Variants in TRIO observed in about 807,000 individuals in gnomAD.
TRIO encodes trio Rho guanine nucleotide exchange factor, also known as triple functional domain protein.
TRIO carries 58 observed loss-of-function variants against 351.9 expected under a neutral mutation model. The observed-to-expected ratio is 0.16, with a 90% CI of 0.13 to 0.21. The LOEUF is 0.21. Ranked by LOEUF, TRIO falls within the 10% of genes least tolerant of loss-of-function variation. The probability of loss-of-function intolerance (pLI) is 1.00; values close to 1 mark genes in which losing one functional copy is unlikely to be tolerated. For missense variants in TRIO, 3,201 were observed against 4,027.8 expected, an observed-to-expected ratio of 0.79 and a Z score of 5.56; for synonymous variants, 1,758 against 1,595.7, an observed-to-expected ratio of 1.10 and a Z score of -2.42.
chr5:14,187,539 G>A (rs1029900508), intron 1 of TRIO, among the ~76,000 whole-genome samples: 2 of 152,224 alleles, frequency 1.3e-5, no homozygotes, highest in Admixed American at 1.3e-4. Flanking sequence ...CCATTGTACC[G>A]AGGAGTGGGT....
chr5:14,369,068 T>C (rs554716461), intron 17 of TRIO, among the ~76,000 whole-genome samples, 169 bp downstream of exon 17: 1 of 152,310 alleles, frequency 6.6e-6, no homozygotes, highest in South Asian at 2.1e-4. Flanking sequence ...GTACCTTAGA[T>C]GTCAAAGGTA....
At chr5:14,502,798 T>C (rs1757390824) in intron 54 of TRIO, 141 bp downstream of exon 54, 7 of 836,740 alleles carry the variant, frequency 8.4e-6, no homozygotes, top group East Asian at 8.0e-5. Flanking sequence ...GTAACTCTCA[T>C]TGCCTTTAGA....
chr5:14,236,900 C>T (rs1206846897), intron 1 of TRIO, among the ~76,000 whole-genome samples: 1 of 152,164 alleles, frequency 6.6e-6, no homozygotes, highest in African/African-American at 2.4e-5. Context: ...GTCTCAGTGG[C>T]TTTGCCTATG....
rs769061977 is a variant in TRIO, at chr5:14,481,625, C to T, written c.6465+7C>T. ...GCGGCTGCAAGGATTCGACGTAATG[C>T]GGCTCTTGTTTTTTAAGAGAGCTCC... On this transcript the variant is annotated splice_region_variant and intron_variant, in intron 45 of 56. Coordinates refer to ENST00000344204, the MANE Select transcript of TRIO (RefSeq NM_007118.4). 7.7e-5 allele frequency: 125 copies of T among 1,613,940 alleles called. No homozygotes were observed. Among genetic ancestry groups the T allele is most frequent in the Non-Finnish European group, 1.0e-4 (118 of 1,179,982 alleles).
At chr5:14,312,376 C>G (rs1000436436) in intron 8 of TRIO, among the ~76,000 whole-genome samples, 2 of 152,158 alleles carry the variant, frequency 1.3e-5, no homozygotes, top group Non-Finnish European at 2.9e-5. Flanking sequence ...ATTACTTTTT[C>G]TGCTTTAGTT....
chr5:14,487,584 G>A lies in TRIO; in HGVS notation c.6956G>A (p.Gly2319Asp). 8.7e-7 allele frequency: 1 copy of A among 1,145,312 alleles called. No homozygotes were observed. The allele number at this position is 1,145,312 out of a possible 1,614,324, so 70.9% of individuals were successfully genotyped here. ...GGCGGGGCCCCCAGTGGCGGCAGCG[G>A]CCACAGTGGCGGCCCCAGCAGCTGC... ...GGGGAPSGGSGHSGGPSSCGG... is the reference protein window; with the variant it reads ...GGGGAPSGGSDHSGGPSSCGG... Residue 2319 changes from glycine to aspartate, a missense_variant, in exon 48 of 57, where the codon GGC becomes GAC. By Grantham distance (94) the Gly-to-Asp change is moderately conservative. Transcript: ENST00000344204.
Position 14,482,613 on chromosome 5 carries a change from T to C in TRIO, c.6497T>C (p.Leu2166Ser). ...ATCGTTGCCCAGGGTAAACTGCTCT[T>C]GCAGGACACATTCTTGGTCACAGAC... The part of the protein sequence containing the change: ...GKIVAQGKLL[L>S]QDTFLVTDQD... The change falls in exon 46 of 57, where the codon TTG (leucine) becomes TCG (serine). Residue 2166 changes from leucine (L) to serine (S), a missense_variant. Physicochemically the swap from Leu to Ser is moderately radical, Grantham distance 145. Around this residue, in one of 19 missense-constraint regions of TRIO, gnomAD observed 307 missense variants for 396.5 expected, o/e 0.77. Coordinates refer to ENST00000344204, the MANE Select transcript of TRIO (RefSeq NM_007118.4). 6.4e-7 allele frequency: 1 copy of C among 1,553,536 alleles called. No individual in the cohort carries two copies. Among genetic ancestry groups the C allele is most frequent in the Non-Finnish European group, 8.7e-7 (1 of 1,144,260 alleles).
At chr5:14,482,856 T>G (rs1755635660) in intron 46 of TRIO, 83 bp downstream of exon 46, 4 of 1,243,092 alleles carry the variant, frequency 3.2e-6, no homozygotes, top group Admixed American at 2.8e-5. Flanking sequence ...AATGATGACA[T>G]ACCCTGATGC....
At chr5:14,506,763 C>T (rs898037832) in intron 55 of TRIO, among the ~76,000 whole-genome samples, 6 of 152,062 alleles carry the variant, frequency 3.9e-5, no homozygotes, top group Admixed American at 6.5e-5. Context: ...ACTACAGCTC[C>T]GAGAAGCATG....
chr5:14,249,620 G>A (rs972966277), intron 1 of TRIO, among the ~76,000 whole-genome samples: 3 of 152,186 alleles, frequency 2.0e-5, no homozygotes, highest in African/African-American at 7.2e-5. Context: ...TAAAGGGCAG[G>A]CATGTTTACT....
intron 36 of TRIO, among the ~76,000 whole-genome samples, chr5:14,463,788 C>T (rs1754012443): frequency 6.6e-6 from 1 of 151,976 alleles, no homozygotes; most frequent in Admixed American, 6.6e-5. Flanking sequence ...AGTACTTGCA[C>T]AGTCACTTGC....
chr5:14,475,374 T>C (rs1754991467), intron 40 of TRIO, among the ~76,000 whole-genome samples: 1 of 152,160 alleles, frequency 6.6e-6, no homozygotes, highest in South Asian at 2.1e-4. Context: ...GCTTCTCCAT[T>C]AGGCCTGGGT....
chr5:14,166,506 G>T (rs1332758004), intron 1 of TRIO, among the ~76,000 whole-genome samples: 1 of 152,060 alleles, frequency 6.6e-6, no homozygotes, highest in Non-Finnish European at 1.5e-5. Flanking sequence ...AATTGTTTTG[G>T]CTCAGTTGCC....
chr5:14,505,148 C>G (rs1757580844), intron 55 of TRIO, among the ~76,000 whole-genome samples: 1 of 152,224 alleles, frequency 6.6e-6, no homozygotes, highest in Non-Finnish European at 1.5e-5. Context: ...TGTGTAAGAT[C>G]AGAAAATAAT....
intron 11 of TRIO, among the ~76,000 whole-genome samples, chr5:14,350,705 C>G (rs1289668684): frequency 6.6e-6 from 1 of 152,150 alleles, no homozygotes; most frequent in Non-Finnish European, 1.5e-5. Flanking sequence ...ACATGTAATA[C>G]ATTTGCATGG....
intron 15 of TRIO, among the ~76,000 whole-genome samples, chr5:14,366,641 C>G (rs1744620231): frequency 2.6e-5 from 4 of 152,178 alleles, no homozygotes; most frequent in African/African-American, 9.7e-5. Flanking sequence ...CCATTTGCTA[C>G]TAAAAATAAC....
chr5:14,453,000 C>T (rs1476035895), intron 34 of TRIO, among the ~76,000 whole-genome samples: 1 of 152,100 alleles, frequency 6.6e-6, no homozygotes, highest in African/African-American at 2.4e-5. Flanking sequence ...TTTGTGTGTT[C>T]ACATGGTGAA....
rs1746220000 is a variant in TRIO, at chr5:14,382,765, G to GTTAGACATGGGATCTTGC, written c.3570+1515_3570+1532dup. Among the ~76,000 whole-genome samples the GTTAGACATGGGATCTTGC allele has an allele frequency of 5.3e-5, 8 of 152,186 alleles. No individual in the cohort carries two copies. In the South Asian group the frequency reaches 1.7e-3, roughly 32 times the overall value. ...GGGGCGTGTGTGTGTCTGTGTGTGTGTTAGACATGGGATCTTGCTCTGTTA... is the reference window on the plus strand; with the variant it reads ...GGGGCGTGTGTGTGTCTGTGTGTGTGTTAGACATGGGATCTTGCTTAGACATGGGATCTTGCTCTGTTA... On this transcript the variant is annotated intron_variant, in intron 21 of 56. Coordinates refer to ENST00000344204, the MANE Select transcript of TRIO (RefSeq NM_007118.4).
chr5:14,291,788 T>TAAAAAAAAAAAAA lies in TRIO; in HGVS notation c.1053+576_1053+588dup, dbSNP rs57424190. 1.9e-3 allele frequency among the ~76,000 whole-genome samples: 193 copies of TAAAAAAAAAAAAA among 100,916 alleles called. 2 individuals carry two copies. The highest frequency in any genetic ancestry group is 2.5e-3 in the African/African-American group (57 of 22,524). 66.2% of individuals were successfully genotyped at this position (100,916 alleles called of 152,430 possible). On this transcript the variant is annotated intron_variant, in intron 5 of 56. Transcript: ENST00000344204. ...TGGGCGACAGAGTGAGACTCCGTCTTAAAAAAAAAAAAAAAAAAAAAAAAA... is the reference window on the plus strand; with the variant it reads ...TGGGCGACAGAGTGAGACTCCGTCTTAAAAAAAAAAAAAAAAAAAAAAAAAAAAAAAAAAAAAA...
Sources: gnomAD v4.1 joint callset for allele counts (sites outside exome capture counted in the v4.1 genomes callset) on GRCh38, gnomAD v4.1.1 for gene constraint, gnomAD v4.1.1 regional missense constraint, MANE v1.5 for transcripts, NCBI Gene and HGNC (gene_info 2026-07-23, HGNC 2026-07-21) for gene names.